The following ROBO2 variants were observed in gnomAD, a reference collection of about 807,000 sequenced individuals.
The protein encoded by ROBO2 is roundabout homolog 2.
A neutral mutation model predicts 160.8 loss-of-function variants in ROBO2; 53 were observed. The ratio of observed to expected loss-of-function variants is 0.33; its 90% CI spans 0.26 to 0.41. ROBO2 has a LOEUF of 0.41. Among genes scored for constraint, ROBO2 ranks in the 10% least tolerant of loss-of-function variants. ROBO2 has a pLI of 1.00. For missense variants in ROBO2, 1,577 were observed against 1,722.4 expected (o/e 0.92, Z 1.49); for synonymous variants, 664 against 611.7 (o/e 1.09, Z -1.26).
chr3:76,940,619 C>T (rs2078124200), intron 2 of ROBO2, among the ~76,000 whole-genome samples: 1 of 152,206 alleles, frequency 6.6e-6, no homozygotes, highest in Non-Finnish European at 1.5e-5. Context: ...GGCAGAGTTC[C>T]ATCATCTCTG....
At chr3:76,796,862 A>G (rs1470129508) in intron 2 of ROBO2, among the ~76,000 whole-genome samples, 74 of 152,254 alleles carry the variant, frequency 4.9e-4, no homozygotes, top group African/African-American at 1.6e-3. Flanking sequence ...AGCCCCTTAT[A>G]TAATTATAAG....
chr3:76,603,372 A>AAAAAAAAAAAAT (rs2087385402), intron 2 of ROBO2, among the ~76,000 whole-genome samples: 1 of 137,472 alleles, frequency 7.3e-6, no homozygotes, highest in African/African-American at 2.7e-5. Context: ...ATATATATAT[A>AAAAAAAAAAAAT]TATATATATA....
At chr3:77,289,548 G>C (rs2060911267) in intron 2 of ROBO2, among the ~76,000 whole-genome samples, 1 of 151,880 alleles carries the variant, frequency 6.6e-6, no homozygotes, top group Non-Finnish European at 1.5e-5. Flanking sequence ...CAGACATAAA[G>C]TAAAATTGAC....
chr3:75,979,366 T>A (rs982289392), intron 2 of ROBO2, among the ~76,000 whole-genome samples: 6 of 151,520 alleles, frequency 4.0e-5, no homozygotes, highest in African/African-American at 1.5e-4. Flanking sequence ...CTAATTATCT[T>A]ATCCAAGACA....
intron 2 of ROBO2, among the ~76,000 whole-genome samples, chr3:77,350,248 TG>T (rs1425087436): frequency 6.6e-6 from 1 of 151,940 alleles, no homozygotes; most frequent in Non-Finnish European, 1.5e-5. Context: ...CAGGTAATTT[TG>T]GGAGGCTGAG....
chr3:76,274,888 A>G (rs1003406814), intron 2 of ROBO2, among the ~76,000 whole-genome samples: 1 of 152,048 alleles, frequency 6.6e-6, no homozygotes, highest in East Asian at 1.9e-4. Flanking sequence ...ATTTAATCAT[A>G]TACCCAAAAA....
chr3:76,572,930 G>A (rs2085043830), intron 2 of ROBO2, among the ~76,000 whole-genome samples: 1 of 152,108 alleles, frequency 6.6e-6, no homozygotes, highest in Non-Finnish European at 1.5e-5. Flanking sequence ...TCTGTCCCAG[G>A]TCTTTTGCTA....
intron 2 of ROBO2, among the ~76,000 whole-genome samples, chr3:76,921,941 T>A (rs930694089): frequency 6.6e-6 from 1 of 152,156 alleles, no homozygotes; most frequent in Non-Finnish European, 1.5e-5. Context: ...CACCTCATGA[T>A]TTTTTACAAA....
At chr3:76,037,589 C>T (rs990748482) in intron 2 of ROBO2, among the ~76,000 whole-genome samples, 3 of 151,958 alleles carry the variant, frequency 2.0e-5, no homozygotes, top group Admixed American at 1.3e-4. Flanking sequence ...TTACTCAGTA[C>T]ATACATACAT....
At chr3:77,264,032 TTCA>T (rs745999743) in intron 2 of ROBO2, among the ~76,000 whole-genome samples, 1 of 128,218 alleles carries the variant, frequency 7.8e-6, no homozygotes, top group Admixed American at 8.2e-5. Context: ...CATCATCACA[TTCA>T]TCATATTCAC....
At chr3:77,333,887 T>A (rs1303374341) in intron 2 of ROBO2, among the ~76,000 whole-genome samples, 1 of 152,150 alleles carries the variant, frequency 6.6e-6, no homozygotes, top group African/African-American at 2.4e-5. Context: ...TTAACTAGCA[T>A]TAAAAAGGGC....
At chr3:75,983,935 C>A (rs766029722) in intron 2 of ROBO2, among the ~76,000 whole-genome samples, 1 of 151,430 alleles carries the variant, frequency 6.6e-6, no homozygotes, top group Non-Finnish European at 1.5e-5. Context: ...TAGACACAAT[C>A]ACTCTGCCCG....
intron 2 of ROBO2, among the ~76,000 whole-genome samples, chr3:76,930,358 C>A (rs982919823): frequency 5.3e-5 from 8 of 152,154 alleles, no homozygotes; most frequent in Admixed American, 1.3e-4. Flanking sequence ...TCTCCCTCAA[C>A]TCCCTCAGAC....
At chr3:77,549,086 G>A (rs1274470169) in intron 7 of ROBO2, among the ~76,000 whole-genome samples, 1 of 151,872 alleles carries the variant, frequency 6.6e-6, no homozygotes, top group Non-Finnish European at 1.5e-5. Context: ...GGCGGGAAGA[G>A]CTGTGAAGTT....
intron 2 of ROBO2, among the ~76,000 whole-genome samples, chr3:77,291,882 T>A (rs531939690): frequency 2.0e-4 from 29 of 145,918 alleles, no homozygotes; most frequent in African/African-American, 6.7e-4. Context: ...GTAAAATTGA[T>A]GGATAAACGG....
chr3:76,374,767 G>T (rs1207081337), intron 2 of ROBO2, among the ~76,000 whole-genome samples: 1 of 151,892 alleles, frequency 6.6e-6, no homozygotes, highest in Non-Finnish European at 1.5e-5. Flanking sequence ...AATTTCAGTG[G>T]CCTGCTGCAA....
chr3:76,541,098 C>A (rs1394226766), intron 2 of ROBO2, among the ~76,000 whole-genome samples: 1 of 152,196 alleles, frequency 6.6e-6, no homozygotes, highest in Non-Finnish European at 1.5e-5. Context: ...TCAAATGAAG[C>A]CAATTCGACT....
intron 2 of ROBO2, among the ~76,000 whole-genome samples, chr3:76,890,451 A>G (rs1218740911): frequency 1.3e-5 from 2 of 152,162 alleles, no homozygotes; most frequent in South Asian, 2.1e-4. Flanking sequence ...CAAAGTGGCA[A>G]TATCAAGGGT....
intron 2 of ROBO2, among the ~76,000 whole-genome samples, chr3:76,026,178 A>G (rs1419458970): frequency 6.6e-6 from 1 of 151,884 alleles, no homozygotes. Context: ...ATTTGACGTA[A>G]TGGTGATAAT....
Sources: gnomAD v4.1 joint callset for allele counts (sites outside exome capture counted in the v4.1 genomes callset) on GRCh38, gnomAD v4.1.1 for gene constraint, MANE v1.5 for transcripts, NCBI Gene and HGNC (gene_info 2026-07-23, HGNC 2026-07-21) for gene names.